Variants in ESR2 observed in about 807,000 individuals in gnomAD.
ESR2 encodes the protein estrogen receptor beta.
Under a neutral mutation model 49.6 loss-of-function variants are expected in ESR2, and 36 were observed. The observed-to-expected ratio is 0.73, with a 90% CI of 0.56 to 0.96. ESR2 has a LOEUF of 0.96. Ranked by LOEUF, ESR2 falls within the 40% of genes least tolerant of loss-of-function variation. ESR2 has a pLI of 0.00. For missense variants in ESR2, 714 were observed against 693.0 expected (o/e 1.03, Z -0.34); for synonymous variants, 320 against 266.1 (o/e 1.20, Z -1.97).
At chr14:64,295,791 A>C (rs1352230855), upstream of ESR2, among the ~76,000 whole-genome samples, 1 of 152,138 alleles carries the variant, frequency 6.6e-6, no homozygotes, top group East Asian at 1.9e-4. Context: ...CACACCTATA[A>C]TCTCAGCACT....
At chr14:64,281,449 GA>G (rs942159031) in intron 2 of ESR2, among the ~76,000 whole-genome samples, 13 of 144,900 alleles carry the variant, frequency 9.0e-5, no homozygotes, top group African/African-American at 1.8e-4. Flanking sequence ...GGAGGAAGGA[GA>G]AAAAAAAAAC....
intron 4 of ESR2, among the ~76,000 whole-genome samples, chr14:64,263,706 C>T (rs895937122): frequency 6.6e-6 from 1 of 151,882 alleles, no homozygotes; most frequent in African/African-American, 2.4e-5. Context: ...CCTCCAAACA[C>T]AATACAAAAA....
intron 5 of ESR2, chr14:64,260,200 G>C (rs746543172): frequency 2.7e-6 from 2 of 731,322 alleles, no homozygotes; most frequent in South Asian, 1.4e-5. Flanking sequence ...AACTCTTTCT[G>C]CACTACCATG....
chr14:64,263,664 A>C (rs1180289114), intron 4 of ESR2, among the ~76,000 whole-genome samples: 1 of 152,136 alleles, frequency 6.6e-6, no homozygotes, highest in Non-Finnish European at 1.5e-5. Flanking sequence ...ATAAATAAAT[A>C]AATAAATAAA....
intron 4 of ESR2, among the ~76,000 whole-genome samples, chr14:64,261,568 C>T (rs1188021486): frequency 6.6e-6 from 1 of 152,116 alleles, no homozygotes; most frequent in Admixed American, 6.5e-5. Context: ...CAGGAGCCCG[C>T]CACCATGCCT....
chr14:64,267,513 G>T (rs2076355961), intron 4 of ESR2, among the ~76,000 whole-genome samples: 1 of 152,032 alleles, frequency 6.6e-6, no homozygotes, highest in Admixed American at 6.6e-5. Flanking sequence ...ATAGCTGAGG[G>T]TTCTAATCTG....
At chr14:64,296,693 TG>T (rs1408970027), upstream of ESR2, among the ~76,000 whole-genome samples, 1 of 152,244 alleles carries the variant, frequency 6.6e-6, no homozygotes, top group Non-Finnish European at 1.5e-5. Context: ...GCTTCTGCTC[TG>T]TGTTCACTGT....
intron 1 of ESR2, among the ~76,000 whole-genome samples, chr14:64,334,899 C>T (rs912957391): frequency 2.6e-5 from 4 of 152,190 alleles, no homozygotes; most frequent in Admixed American, 6.5e-5. Flanking sequence ...CCGCCTGCCT[C>T]GGCCACCCAA....
intron 3 of ESR2, among the ~76,000 whole-genome samples, chr14:64,269,823 TGCAA>T (rs2076403275): frequency 6.6e-6 from 1 of 152,206 alleles, no homozygotes; most frequent in East Asian, 1.9e-4. Flanking sequence ...AATTCTCTTA[TGCAA>T]GGAAGAGCTA....
In ESR2 at chr14:64,323,422, G is replaced by T. The variant is rs902079384; in HGVS notation, c.-91+14476C>A. Among the ~76,000 whole-genome samples, 5 of 152,074 alleles carry T rather than the reference G, an allele frequency of 3.3e-5. No homozygotes were observed. The East Asian group carries it at 5.8e-4, about 18-fold the overall frequency. Reference sequence around the variant, plus strand: ...AGAGCTTCACCATGTTGGCCAGGCTGGTCTTAAAACTCCTGACCTCGAGTG... The same window carrying T: ...AGAGCTTCACCATGTTGGCCAGGCTTGTCTTAAAACTCCTGACCTCGAGTG... On this transcript the variant is annotated intron_variant, in intron 1 of 8. Coordinates refer to the ESR2 transcript ENST00000358599.
chr14:64,228,831 C>T lies in ESR2; in HGVS notation c.*4306G>A, dbSNP rs530083803. On this transcript the variant is annotated 3_prime_UTR_variant, in exon 9 of 9. Transcript: ENST00000341099. ...AACAAACAAAAAACCTCCCTGACTC[C>T]AAAGCAACAAAAATGGCACTACGAT... Among the ~76,000 whole-genome samples the T allele has an allele frequency of 8.5e-5, 13 of 152,282 alleles. No individual in the cohort carries two copies. Among genetic ancestry groups the T allele is most frequent in the African/African-American group, 2.6e-4 (11 of 41,546 alleles).
At chr14:64,315,936 T>C (rs957563058) in intron 1 of ESR2, among the ~76,000 whole-genome samples, 2 of 151,908 alleles carry the variant, frequency 1.3e-5, no homozygotes. Flanking sequence ...TACAGGCATG[T>C]GCCACCACGC....
chr14:64,243,573 C>T (rs1028392865), intron 7 of ESR2, among the ~76,000 whole-genome samples: 20 of 152,210 alleles, frequency 1.3e-4, no homozygotes, highest in Non-Finnish European at 2.6e-4. Flanking sequence ...AGTTAAATCA[C>T]TTAGCAATTG....
At chr14:64,227,816 T>C (rs1399788088), downstream of ESR2, 9 of 1,568,104 alleles carry the variant, frequency 5.7e-6, no homozygotes, top group South Asian at 9.4e-5. Context: ...TTTTATGAGG[T>C]AGTCTGGGTT....
At chr14:64,267,375 A>G (rs902664935) in intron 4 of ESR2, among the ~76,000 whole-genome samples, 15 of 152,286 alleles carry the variant, frequency 9.8e-5, no homozygotes, top group South Asian at 6.2e-4. Flanking sequence ...AGAATAACCA[A>G]TAATACACGC....
chr14:64,249,742 A>C (rs924721348), intron 6 of ESR2, 63 bp from the exon 7 acceptor site: 8 of 1,503,262 alleles, frequency 5.3e-6, no homozygotes, highest in Non-Finnish European at 7.3e-6. Flanking sequence ...AAAAACAATA[A>C]GGAATGTTTT....
chr14:64,285,855 GAAAA>G (rs1178178602), intron 1 of ESR2, among the ~76,000 whole-genome samples: 2 of 140,450 alleles, frequency 1.4e-5, no homozygotes, highest in African/African-American at 5.2e-5. Flanking sequence ...AAAAGAAAAA[GAAAA>G]AAAAAAGGAA....
At chr14:64,277,451 CTG>C (rs2076577774) in intron 3 of ESR2, among the ~76,000 whole-genome samples, 2 of 151,978 alleles carry the variant, frequency 1.3e-5, no homozygotes, top group Non-Finnish European at 2.9e-5. Flanking sequence ...TGCCGAAACC[CTG>C]TCTCTACTAA....
chr14:64,285,156 A>T (rs2076763769), intron 1 of ESR2, among the ~76,000 whole-genome samples: 1 of 151,950 alleles, frequency 6.6e-6, no homozygotes, highest in South Asian at 2.1e-4. Flanking sequence ...GCCAGCTCTC[A>T]TTACTTCTTA....
Sources: allele counts gnomAD v4.1 joint callset (sites outside exome capture counted in the v4.1 genomes callset), GRCh38; gene constraint gnomAD v4.1.1; transcripts MANE v1.5; gene names NCBI Gene and HGNC (gene_info 2026-07-23, HGNC 2026-07-21).